The following COL24A1 variants were observed in gnomAD, a reference collection of about 807,000 sequenced individuals.
COL24A1 encodes collagen type XXIV alpha 1 chain, also known as collagen alpha-1(XXIV) chain.
COL24A1 carries 224 observed loss-of-function variants against 253.9 expected under a neutral mutation model. The observed-to-expected ratio is 0.88, with a 90% confidence interval of 0.79 to 0.99. The LOEUF (loss-of-function observed/expected upper bound fraction) is 0.99. COL24A1 is among the 50% of genes least tolerant of loss of function. The pLI is 0.00. For synonymous variants in COL24A1, 685 were observed against 673.7 expected, an observed-to-expected ratio of 1.02 and a Z score of -0.26; for missense variants, 2,131 against 2,068.5, an observed-to-expected ratio of 1.03 and a Z score of -0.59.
chr1:85,963,382 A>C (rs1462214326), intron 23 of COL24A1, among the ~76,000 whole-genome samples: 1 of 152,164 alleles, frequency 6.6e-6, no homozygotes, highest in Non-Finnish European at 1.5e-5. Context: ...CTTACCCATA[A>C]GTTACCCTTC....
intron 55 of COL24A1, among the ~76,000 whole-genome samples, chr1:85,756,874 G>GAAAA (rs1236786464): frequency 6.6e-6 from 1 of 152,108 alleles, no homozygotes; most frequent in Non-Finnish European, 1.5e-5. Flanking sequence ...ATTCAGCTTT[G>GAAAA]AAAATAAATA....
rs566686485 is a variant in COL24A1, at chr1:85,995,814, G to A, written c.2311-8160C>T. On this transcript the variant is annotated intron_variant, in intron 19 of 59. Coordinates refer to ENST00000370571, the MANE Select transcript of COL24A1 (RefSeq NM_152890.7). ...TTGCAAGATTTGGTTGTTTAGAAGT[G>A]TGTGGCACCTCTCCCTTCTCTCTTC... is the stretch of plus-strand genomic sequence containing the variant. Among the ~76,000 whole-genome samples the A allele has an allele frequency of 4.6e-5, 7 of 152,208 alleles. No individual in the cohort carries two copies. In the East Asian group the frequency reaches 1.4e-3, roughly 29 times the overall value.
intron 24 of COL24A1, among the ~76,000 whole-genome samples, chr1:85,926,320 A>G (rs1324148774): frequency 6.6e-6 from 1 of 152,248 alleles, no homozygotes; most frequent in Non-Finnish European, 1.5e-5. Flanking sequence ...CAATCCCATT[A>G]CTGGGTATAT....
intron 11 of COL24A1, among the ~76,000 whole-genome samples, chr1:86,049,679 ACTTAT>A (rs1700161846): frequency 6.6e-6 from 1 of 152,140 alleles, no homozygotes. Context: ...TTCTATCTTT[ACTTAT>A]AAGTACCCAT....
At chr1:86,009,904 G>A (rs779021279) in intron 19 of COL24A1, among the ~76,000 whole-genome samples, 6 of 152,262 alleles carry the variant, frequency 3.9e-5, no homozygotes, top group Middle Eastern at 3.4e-3. Context: ...AACAATGCAT[G>A]CAGTGTGTGA....
Position 86,124,749 on chromosome 1 carries a change from T to C in COL24A1, c.1491+96A>G, listed in dbSNP as rs963063143. The C allele has an allele frequency of 3.3e-6, 3 of 901,512 alleles. No individual in the cohort carries two copies. The African/African-American group carries it at 5.1e-5, about 15-fold the overall frequency. The allele number at this position is 901,512 out of a possible 1,614,324, so 55.8% of individuals were successfully genotyped here. On this transcript the variant is annotated intron_variant, in intron 3 of 59. Transcript: ENST00000370571. ...CATGACAGACTTTATCTGTTATGTATTGTTTGGTCCAGAGAACTCTCTTTA... is the reference window on the plus strand; with the variant it reads ...CATGACAGACTTTATCTGTTATGTACTGTTTGGTCCAGAGAACTCTCTTTA...
chr1:85,930,200 GA>G (rs1333597423), intron 24 of COL24A1, among the ~76,000 whole-genome samples: 22 of 35,950 alleles, frequency 6.1e-4, no homozygotes, highest in African/African-American at 2.3e-3. Flanking sequence ...GACTAATAAA[GA>G]AAAAAAGAGA....
intron 24 of COL24A1, among the ~76,000 whole-genome samples, chr1:85,924,147 A>G (rs1409903917): frequency 6.6e-6 from 1 of 152,216 alleles, no homozygotes; most frequent in Non-Finnish European, 1.5e-5. Context: ...AAATAGGCCA[A>G]TAACAAGTTC....
At chr1:86,121,502 C>T (rs1350603748) in intron 3 of COL24A1, among the ~76,000 whole-genome samples, 3 of 151,662 alleles carry the variant, frequency 2.0e-5, no homozygotes, top group Non-Finnish European at 2.9e-5. Context: ...ATGACATTAA[C>T]GTACAAAAAT....
intron 3 of COL24A1, among the ~76,000 whole-genome samples, chr1:86,121,091 T>A (rs1019567824): frequency 3.9e-5 from 6 of 152,062 alleles, no homozygotes; most frequent in Non-Finnish European, 8.8e-5. Context: ...AATTGAAGAA[T>A]GAGAACACTT....
intron 35 of COL24A1, among the ~76,000 whole-genome samples, chr1:85,874,434 A>G (rs1680897246): frequency 1.3e-5 from 2 of 152,228 alleles, no homozygotes; most frequent in Non-Finnish European, 2.9e-5. Context: ...GATTTTGAGA[A>G]AAGGACATAT....
chr1:85,969,388 T>A (rs1364129145), intron 22 of COL24A1, among the ~76,000 whole-genome samples: 1 of 151,812 alleles, frequency 6.6e-6, no homozygotes, highest in African/African-American at 2.4e-5. Flanking sequence ...GTGGATCACC[T>A]GAGGCCAGGA....
intron 47 of COL24A1, among the ~76,000 whole-genome samples, chr1:85,801,255 C>T (rs1284878354): frequency 6.6e-6 from 1 of 152,098 alleles, no homozygotes; most frequent in African/African-American, 2.4e-5. Context: ...TTCATTTGCT[C>T]CCCAGATCCA....
intron 23 of COL24A1, among the ~76,000 whole-genome samples, chr1:85,962,392 C>T (rs546038321): frequency 2.6e-4 from 39 of 152,220 alleles, no homozygotes; most frequent in South Asian, 1.2e-3. Flanking sequence ...TGAATAAGGC[C>T]ATTTATAGTC....
chr1:85,927,830 C>T (rs1179119720), intron 24 of COL24A1, among the ~76,000 whole-genome samples: 4 of 125,524 alleles, frequency 3.2e-5, no homozygotes, highest in African/African-American at 6.0e-5. Flanking sequence ...ACACTGACAC[C>T]TCACATGGCA....
chr1:85,943,200 G>T (rs1112327), intron 24 of COL24A1, among the ~76,000 whole-genome samples: 8 of 152,024 alleles, frequency 5.3e-5, no homozygotes, highest in African/African-American at 1.9e-4. Context: ...ACCAGTACCC[G>T]CTATGTCCTG....
At chr1:85,848,658 C>T (rs150324114) in intron 38 of COL24A1, among the ~76,000 whole-genome samples, 1 of 152,260 alleles carries the variant, frequency 6.6e-6, no homozygotes, top group East Asian at 1.9e-4. Context: ...TCTTAAACAA[C>T]ATTGTGTTAT....
intron 32 of COL24A1, among the ~76,000 whole-genome samples, chr1:85,885,016 G>A (rs1483341239): frequency 6.6e-6 from 1 of 152,024 alleles, no homozygotes; most frequent in Admixed American, 6.6e-5. Flanking sequence ...CTACTGTCCC[G>A]GTGTGGGCTA....
chr1:85,868,759 A>G lies in COL24A1; in HGVS notation c.3192+23T>C, dbSNP rs561993506. On this transcript the variant is annotated intron_variant, in intron 36 of 59. Coordinates refer to ENST00000370571, the MANE Select transcript of COL24A1 (RefSeq NM_152890.7). ...ATTTTACAAAACATCTATTTTATATATAATCTTAAAAGTATAATTTACCTT... is the reference window on the plus strand; with the variant it reads ...ATTTTACAAAACATCTATTTTATATGTAATCTTAAAAGTATAATTTACCTT... 1.2e-4 allele frequency: 172 copies of G among 1,476,576 alleles called. 1 individual carries two copies. In the South Asian group the frequency reaches 2.0e-3, roughly 17 times the overall value. 91.5% of individuals were successfully genotyped at this position (1,476,576 alleles called of 1,614,324 possible).
Sources: gnomAD v4.1 joint callset for allele counts (sites outside exome capture counted in the v4.1 genomes callset) on GRCh38, gnomAD v4.1.1 for gene constraint, MANE v1.5 for transcripts, NCBI Gene and HGNC (gene_info 2026-07-23, HGNC 2026-07-21) for gene names.